TTC39B: variants seen among roughly 807,000 people sequenced by gnomAD.
The protein encoded by TTC39B is tetratricopeptide repeat protein 39B.
Under a neutral mutation model 96.6 loss-of-function variants are expected in TTC39B, and 92 were observed. The ratio of observed to expected loss-of-function variants is 0.95; its 90% confidence interval spans 0.80 to 1.13. TTC39B has a LOEUF of 1.13. Among genes scored for constraint, TTC39B ranks in the 50% most tolerant of loss-of-function variants. The probability of loss-of-function intolerance (pLI) is 0.00; values close to 1 mark genes in which losing one functional copy is unlikely to be tolerated. For synonymous variants in TTC39B, 367 were observed against 299.4 expected, an observed-to-expected ratio of 1.23 and a Z score of -2.33; for missense variants, 955 against 809.3, an observed-to-expected ratio of 1.18 and a Z score of -2.18.
At chr9:15,241,341 G>A (rs1484582827) in intron 2 of TTC39B, among the ~76,000 whole-genome samples, 9 of 151,686 alleles carry the variant, frequency 5.9e-5, no homozygotes, top group Admixed American at 5.9e-4. Context: ...AAAGATAGCA[G>A]TGAATGAACC....
chr9:15,265,997 G>A (rs1196935919), intron 2 of TTC39B, among the ~76,000 whole-genome samples: 1 of 152,220 alleles, frequency 6.6e-6, no homozygotes, highest in African/African-American at 2.4e-5. Context: ...GGTATCTTGG[G>A]TGGGATGCTG....
At chr9:15,269,396 G>C (rs1823251765) in intron 1 of TTC39B, among the ~76,000 whole-genome samples, 1 of 152,148 alleles carries the variant, frequency 6.6e-6, no homozygotes, top group African/African-American at 2.4e-5. Flanking sequence ...ATGGAACCTG[G>C]ACCGCCAAGG....
Position 15,296,189 on chromosome 9 carries a change from G to A in TTC39B, c.240+10895C>T, listed in dbSNP as rs563295077. Among the ~76,000 whole-genome samples, 7 of 152,294 alleles carry A rather than the reference G, an allele frequency of 4.6e-5. No homozygotes were observed. In the South Asian group the frequency reaches 6.2e-4, roughly 14 times the overall value. The stretch of plus-strand genomic sequence containing the variant: ...CTGTGACTGGTCCTGCTGCCCACAC[G>A]AGCACCGTGGCTCAAGTTGGTTTTC... On this transcript the variant is annotated intron_variant, in intron 1 of 19. Coordinates refer to ENST00000512701, the Ensembl canonical transcript of TTC39B.
Position 15,188,133 on chromosome 9 carries a change from C to A in TTC39B, c.1234-1G>T. ...TGCATTTTTGAAATACTTCTTGTGC[C>A]TGTAAATCAAGTACACAAAGTTGAT... On this transcript the variant is annotated splice_acceptor_variant, in intron 13 of 19. Coordinates refer to ENST00000512701, the Ensembl canonical transcript of TTC39B. LOFTEE classifies it high-confidence loss of function. 6.3e-7 allele frequency: 1 copy of A among 1,591,306 alleles called. No homozygotes were observed.
chr9:15,188,515 C>A (rs1278923429), intron 13 of TTC39B, among the ~76,000 whole-genome samples: 1 of 152,148 alleles, frequency 6.6e-6, no homozygotes, highest in East Asian at 1.9e-4. Context: ...AAAAGGTTAA[C>A]TCTTTTATCA....
At chr9:15,230,430 G>A (rs1821357089) in intron 2 of TTC39B, among the ~76,000 whole-genome samples, 1 of 152,044 alleles carries the variant, frequency 6.6e-6, no homozygotes, top group African/African-American at 2.4e-5. Flanking sequence ...TCTACTTTTT[G>A]TGTCTATAGA....
At chr9:15,246,597 G>A (rs1206173033) in intron 2 of TTC39B, among the ~76,000 whole-genome samples, 1 of 152,122 alleles carries the variant, frequency 6.6e-6, no homozygotes, top group East Asian at 1.9e-4. Context: ...GTTAGTTTGG[G>A]GTCCAAATCT....
chr9:15,202,972 T>C (rs1480239633), intron 7 of TTC39B, among the ~76,000 whole-genome samples: 1 of 152,118 alleles, frequency 6.6e-6, no homozygotes, highest in Non-Finnish European at 1.5e-5. Context: ...AAAAGGATTG[T>C]TTAGTGACTT....
chr9:15,255,303 T>C (rs1041643365), intron 2 of TTC39B, among the ~76,000 whole-genome samples: 1 of 152,080 alleles, frequency 6.6e-6, no homozygotes, highest in Non-Finnish European at 1.5e-5. Context: ...AACTATACAC[T>C]ATTCAAAAAT....
intron 8 of TTC39B, among the ~76,000 whole-genome samples, chr9:15,194,274 C>T (rs182160268): frequency 0.012 from 1,756 of 152,110 alleles, 45 homozygotes; most frequent in African/African-American, 0.04. Context: ...TGCTAGAATT[C>T]TTTTTAAATC....
At chr9:15,213,486 G>T (rs1820326538) in intron 4 of TTC39B, among the ~76,000 whole-genome samples, 1 of 152,068 alleles carries the variant, frequency 6.6e-6, no homozygotes, top group East Asian at 1.9e-4. Context: ...CAGTCACCCT[G>T]GTAACCACTC....
At chr9:15,263,122 A>G (rs1563772631) in intron 2 of TTC39B, among the ~76,000 whole-genome samples, 2 of 152,218 alleles carry the variant, frequency 1.3e-5, no homozygotes, top group South Asian at 2.1e-4. Context: ...TGCCAACTGC[A>G]GAACTGGGGA....
At chr9:15,185,380 A>C (rs1163366597) in exon 16 of TTC39B, 1 of 1,613,876 alleles carries the variant, frequency 6.2e-7, no homozygotes, top group Admixed American at 1.7e-5. Context: ...TTTCCCGGCA[A>C]TTCTCTGCTT....
chr9:15,184,543 T>A (rs780037469), intron 16 of TTC39B, among the ~76,000 whole-genome samples: 6 of 152,214 alleles, frequency 3.9e-5, no homozygotes, highest in Non-Finnish European at 7.3e-5. Flanking sequence ...TCATAGTAAC[T>A]TGATATATTC....
chr9:15,285,126 G>A (rs1297012764), intron 1 of TTC39B, among the ~76,000 whole-genome samples: 4 of 152,118 alleles, frequency 2.6e-5, no homozygotes, highest in East Asian at 1.9e-4. Flanking sequence ...TCAGCCGGGC[G>A]TGGTGGCGGG....
intron 19 of TTC39B, among the ~76,000 whole-genome samples, chr9:15,173,688 CA>C (rs1808927824): frequency 6.6e-6 from 1 of 152,140 alleles, no homozygotes; most frequent in Admixed American, 6.6e-5. Flanking sequence ...ATAACATTCA[CA>C]AAATGACTTC....
chr9:15,196,819 T>C (rs986074588), intron 8 of TTC39B, among the ~76,000 whole-genome samples: 5 of 152,220 alleles, frequency 3.3e-5, no homozygotes, highest in African/African-American at 1.2e-4. Context: ...CAAGTGGTAT[T>C]GCATGCTATA....
chr9:15,213,948 T>C (rs879284621), intron 4 of TTC39B, among the ~76,000 whole-genome samples, 191 bp downstream of exon 4: 2 of 152,304 alleles, frequency 1.3e-5, no homozygotes, highest in Admixed American at 1.3e-4. Context: ...ATCAGAAATT[T>C]TCTATTAATT....
intron 4 of TTC39B, among the ~76,000 whole-genome samples, chr9:15,212,159 A>G (rs1309971172): frequency 6.6e-6 from 1 of 152,246 alleles, no homozygotes; most frequent in African/African-American, 2.4e-5. Flanking sequence ...TAATTTAAAT[A>G]TTAATGCATA....
Sources: allele counts gnomAD v4.1 joint callset (sites outside exome capture counted in the v4.1 genomes callset), GRCh38; gene constraint gnomAD v4.1.1; transcripts MANE v1.5; gene names NCBI Gene and HGNC (gene_info 2026-07-23, HGNC 2026-07-21).